The following BMPR1B variants were observed in gnomAD, a reference collection of about 807,000 sequenced individuals.
The protein encoded by BMPR1B is bone morphogenetic protein receptor type 1B.
In BMPR1B, 12 loss-of-function variants were observed where a neutral mutation model predicts 59.1. The observed-to-expected ratio is 0.20, with a 90% CI of 0.13 to 0.33. The LOEUF (loss-of-function observed/expected upper bound fraction) is 0.33. Ranked by LOEUF, BMPR1B falls within the 10% of genes least tolerant of loss-of-function variation. The probability of loss-of-function intolerance (pLI) is 1.00; values close to 1 mark genes in which losing one functional copy is unlikely to be tolerated. For missense variants in BMPR1B, 550 were observed against 610.9 expected (o/e 0.90, Z 1.05); for synonymous variants, 237 against 207.3 (o/e 1.14, Z -1.23).
At chr4:95,146,594 A>T (rs1360837012) in intron 10 of BMPR1B, among the ~76,000 whole-genome samples, 1 of 152,060 alleles carries the variant, frequency 6.6e-6, no homozygotes, top group Non-Finnish European at 1.5e-5. Context: ...TTGTCTTAAG[A>T]TTCTTCTTGT....
At chr4:94,832,906 C>T (rs1724658644) in intron 1 of BMPR1B, among the ~76,000 whole-genome samples, 1 of 152,102 alleles carries the variant, frequency 6.6e-6, no homozygotes, top group African/African-American at 2.4e-5. Context: ...GAGTTGTTTC[C>T]TTATCTTTAA....
chr4:94,847,809 G>A (rs1433242797), intron 1 of BMPR1B, among the ~76,000 whole-genome samples: 8 of 152,086 alleles, frequency 5.3e-5, no homozygotes, highest in Non-Finnish European at 2.9e-5. Flanking sequence ...GGGTGGGATT[G>A]GGAGTGGCAA....
intron 2 of BMPR1B, among the ~76,000 whole-genome samples, chr4:94,944,489 C>T (rs1729633110): frequency 6.6e-6 from 1 of 151,944 alleles, no homozygotes; most frequent in Admixed American, 6.6e-5. Context: ...TTTGCATTTC[C>T]CTGGAGAACA....
intron 3 of BMPR1B, among the ~76,000 whole-genome samples, chr4:95,092,773 T>C (rs996910493): frequency 1.3e-5 from 1 of 78,964 alleles, no homozygotes; most frequent in Non-Finnish European, 2.6e-5. Flanking sequence ...CTGGTTTGTC[T>C]GACTTCATTG....
At chr4:94,786,007 T>C (rs959242130) in intron 1 of BMPR1B, among the ~76,000 whole-genome samples, 1 of 152,230 alleles carries the variant, frequency 6.6e-6, no homozygotes, top group Non-Finnish European at 1.5e-5. Context: ...CACTCACTAC[T>C]TCTAGGCTGA....
chr4:94,935,334 A>G (rs1729249860), intron 2 of BMPR1B, among the ~76,000 whole-genome samples: 3 of 152,194 alleles, frequency 2.0e-5, no homozygotes, highest in Admixed American at 2.0e-4. Context: ...GATTTCATAT[A>G]AAACAAAGTT....
At chr4:95,115,880 C>A in intron 6 of BMPR1B, 93 bp downstream of exon 6, 1 of 1,109,016 alleles carries the variant, frequency 9.0e-7, no homozygotes, top group Non-Finnish European at 1.4e-6. Context: ...TCTACCTGTA[C>A]CACTTTCCAC....
At chr4:95,017,225 G>A (rs1723644016) in intron 3 of BMPR1B, among the ~76,000 whole-genome samples, 1 of 152,130 alleles carries the variant, frequency 6.6e-6, no homozygotes, top group South Asian at 2.1e-4. Flanking sequence ...TGTCAATATT[G>A]TTCTTTTCAG....
intron 2 of BMPR1B, among the ~76,000 whole-genome samples, chr4:94,941,044 A>C (rs1225676149): frequency 1.3e-5 from 2 of 152,244 alleles, no homozygotes; most frequent in Non-Finnish European, 2.9e-5. Context: ...TTGGTAAAAC[A>C]GCCTGTGAAA....
chr4:94,838,392 ACT>A lies in BMPR1B; in HGVS notation c.-182-37436_-182-37435del, dbSNP rs1305678254. 1.2e-4 allele frequency among the ~76,000 whole-genome samples: 13 copies of A among 111,596 alleles called. 1 individual carries two copies. In the South Asian group the frequency reaches 4.1e-3, roughly 35 times the overall value. 73.2% of individuals were successfully genotyped at this position (111,596 alleles called of 152,430 possible). ...CGGCTGTGAATCCATCTGGTCCTGG[ACT>A]CTTTTTGGTTGGTAAGCTATTGATT... On this transcript the variant is annotated intron_variant, in intron 1 of 12. Transcript: ENST00000515059.
intron 1 of BMPR1B, among the ~76,000 whole-genome samples, chr4:94,758,800 C>T (rs574956997): frequency 6.6e-6 from 1 of 152,216 alleles, no homozygotes; most frequent in African/African-American, 2.4e-5. Context: ...TTGCCTCTCC[C>T]CCCGGTCTCT....
intron 1 of BMPR1B, among the ~76,000 whole-genome samples, chr4:94,861,919 C>A (rs183901849): frequency 6.6e-4 from 100 of 152,174 alleles, no homozygotes; most frequent in African/African-American, 2.3e-3. Flanking sequence ...ATATTACCAT[C>A]CCAAGTCTGA....
intron 1 of BMPR1B, among the ~76,000 whole-genome samples, chr4:94,827,711 G>A (rs1724435482): frequency 6.6e-6 from 1 of 152,158 alleles, no homozygotes. Context: ...GTATTTGAAA[G>A]TATCTGTCTA....
At chr4:95,078,799 C>A (rs980273127) in intron 3 of BMPR1B, among the ~76,000 whole-genome samples, 1 of 152,136 alleles carries the variant, frequency 6.6e-6, no homozygotes, top group Admixed American at 6.6e-5. Context: ...GCTCTGCTAC[C>A]CAGGCTGGAG....
chr4:95,010,361 C>A (rs997498935), intron 3 of BMPR1B, among the ~76,000 whole-genome samples: 1 of 152,108 alleles, frequency 6.6e-6, no homozygotes, highest in Non-Finnish European at 1.5e-5. Flanking sequence ...TTGCTCACCC[C>A]GAAGTGACAC....
rs200769109 is a variant in BMPR1B at position 95,096,051 on chromosome 4, G to T, written c.-17-8357G>T. On this transcript the variant is annotated intron_variant, in intron 3 of 12. Transcript: ENST00000515059. ...ACATTTTACTTTTGTTCTGCATTTTGTTTTTTCTGCAAAAATCACGTATAT... is the reference window on the plus strand; with the variant it reads ...ACATTTTACTTTTGTTCTGCATTTTTTTTTTTCTGCAAAAATCACGTATAT... Among the ~76,000 whole-genome samples the T allele has an allele frequency of 4.1e-3, 489 of 120,348 alleles. 2 individuals are homozygous for T. Among genetic ancestry groups the T allele is most frequent in the Middle Eastern group, 0.015 (3 of 206 alleles). 79.0% of individuals were successfully genotyped at this position (120,348 alleles called of 152,430 possible).
chr4:94,763,900 G>A (rs1721870522), intron 1 of BMPR1B, among the ~76,000 whole-genome samples: 1 of 152,020 alleles, frequency 6.6e-6, no homozygotes, highest in African/African-American at 2.4e-5. Flanking sequence ...TACACATTTA[G>A]CCATGATAGT....
chr4:94,852,351 C>T (rs1725600118), intron 1 of BMPR1B, among the ~76,000 whole-genome samples: 1 of 152,044 alleles, frequency 6.6e-6, no homozygotes. Flanking sequence ...TATATGTATA[C>T]ACACATATGG....
intron 1 of BMPR1B, among the ~76,000 whole-genome samples, chr4:94,759,503 A>G (rs970468295): frequency 6.6e-6 from 1 of 152,236 alleles, no homozygotes; most frequent in African/African-American, 2.4e-5. Flanking sequence ...GTTTTCTTAC[A>G]TATATTTTTA....
Sources: gnomAD v4.1 joint callset for allele counts (sites outside exome capture counted in the v4.1 genomes callset) on GRCh38, gnomAD v4.1.1 for gene constraint, MANE v1.5 for transcripts, NCBI Gene and HGNC (gene_info 2026-07-23, HGNC 2026-07-21) for gene names.